Variants in NELL1 observed in about 807,000 individuals in gnomAD.
NELL1 encodes the protein protein kinase C-binding protein NELL1.
A neutral mutation model predicts 107.4 loss-of-function variants in NELL1; 76 were observed. That is an observed-to-expected ratio of 0.71 (90% confidence interval 0.59 to 0.86). NELL1 has a LOEUF of 0.86. NELL1 is among the 40% of genes least tolerant of loss of function. The pLI is 0.00. For synonymous variants in NELL1, 353 were observed against 341.2 expected (o/e 1.03, Z -0.38); for missense variants, 1,024 against 1,005.5 (o/e 1.02, Z -0.25).
chr11:21,433,977 C>T lies in NELL1; in HGVS notation c.1645+63029C>T. The stretch of plus-strand genomic sequence containing the variant: ...GTTGTGAGCCACCACGCCCAGCAGG[C>T]CATTTGTATGTCTTATTTTGAAACA... On this transcript the variant is annotated intron_variant, in intron 15 of 19. Transcript: ENST00000357134. 1.3e-5 allele frequency among the ~76,000 whole-genome samples: 2 copies of T among 152,068 alleles called. 1 individual carries two copies. Among genetic ancestry groups the T allele is most frequent in the East Asian group, 3.9e-4 (2 of 5,190 alleles).
chr11:20,689,865 A>T (rs1237306823), intron 2 of NELL1, among the ~76,000 whole-genome samples: 11 of 151,374 alleles, frequency 7.3e-5, no homozygotes, highest in South Asian at 6.3e-4. Flanking sequence ...CGCCACACTG[A>T]CTTCCACAAT....
chr11:20,979,973 T>G (rs938325468), intron 12 of NELL1, among the ~76,000 whole-genome samples: 8 of 152,184 alleles, frequency 5.3e-5, no homozygotes, highest in Admixed American at 1.3e-4. Context: ...GGATGAGATC[T>G]TATTCACTGT....
At chr11:21,569,176 A>T (rs1857042872) in intron 17 of NELL1, among the ~76,000 whole-genome samples, 1 of 151,352 alleles carries the variant, frequency 6.6e-6, no homozygotes, top group South Asian at 2.1e-4. Flanking sequence ...GTAGTATGTC[A>T]GTGACCAAAA....
At chr11:21,110,224 T>C (rs1855074103) in intron 12 of NELL1, among the ~76,000 whole-genome samples, 1 of 152,128 alleles carries the variant, frequency 6.6e-6, no homozygotes, top group Non-Finnish European at 1.5e-5. Context: ...AGGAAATTAT[T>C]AGATATGCAA....
At chr11:21,306,546 A>G (rs1849608936) in intron 14 of NELL1, among the ~76,000 whole-genome samples, 1 of 151,968 alleles carries the variant, frequency 6.6e-6, no homozygotes, top group Non-Finnish European at 1.5e-5. Flanking sequence ...CGATGTTTTT[A>G]TTTTCTTTCT....
At chr11:21,227,990 A>G (rs745940409) in intron 13 of NELL1, among the ~76,000 whole-genome samples, 8 of 152,228 alleles carry the variant, frequency 5.3e-5, no homozygotes, top group Non-Finnish European at 8.8e-5. Flanking sequence ...CATTGGTTGA[A>G]TAATTCACTT....
At chr11:20,885,421 A>G in intron 4 of NELL1, 23 bp from the exon 5 acceptor site, 1 of 1,462,918 alleles carries the variant, frequency 6.8e-7, no homozygotes, top group East Asian at 2.3e-5. Flanking sequence ...CTCTATTAGT[A>G]ACTGTGTTCT....
chr11:21,503,866 T>A (rs778320674), intron 15 of NELL1, among the ~76,000 whole-genome samples: 9 of 152,010 alleles, frequency 5.9e-5, no homozygotes, highest in African/African-American at 9.7e-5. Flanking sequence ...TTTTTTTTTT[T>A]AAATACAGTA....
chr11:21,083,370 T>C (rs542249176), intron 12 of NELL1, among the ~76,000 whole-genome samples: 2 of 152,272 alleles, frequency 1.3e-5, no homozygotes, highest in South Asian at 4.1e-4. Flanking sequence ...ACTGCTAAAT[T>C]TCCTTTTATA....
chr11:20,755,558 T>TTTTTTTTTA (rs1267991719), intron 2 of NELL1, among the ~76,000 whole-genome samples: 1 of 16,432 alleles, frequency 6.1e-5, no homozygotes, highest in African/African-American at 1.1e-4. Context: ...TTGTTTTTGT[T>TTTTTTTTTA]TTTGTTTTTT....
At chr11:21,005,537 A>G (rs1019264745) in intron 12 of NELL1, among the ~76,000 whole-genome samples, 11 of 152,132 alleles carry the variant, frequency 7.2e-5, no homozygotes, top group Non-Finnish European at 1.5e-4. Context: ...GCATTTTGCT[A>G]CCTTCTGGCT....
At chr11:21,455,341 G>A (rs1853700942) in intron 15 of NELL1, among the ~76,000 whole-genome samples, 1 of 108,790 alleles carries the variant, frequency 9.2e-6, no homozygotes, top group African/African-American at 3.5e-5. Flanking sequence ...TTTTTTTAAT[G>A]AGAGAGAGAG....
intron 14 of NELL1, among the ~76,000 whole-genome samples, chr11:21,285,661 C>G (rs1274931230): frequency 6.6e-6 from 1 of 152,134 alleles, no homozygotes; most frequent in Non-Finnish European, 1.5e-5. Context: ...GGTCAAAACC[C>G]CAGTTAACAG....
chr11:20,803,948 G>A (rs1342921862), intron 3 of NELL1, among the ~76,000 whole-genome samples: 2 of 152,216 alleles, frequency 1.3e-5, no homozygotes, highest in East Asian at 1.9e-4. Flanking sequence ...TCCTGCCCTC[G>A]AACATCGGAC....
intron 12 of NELL1, among the ~76,000 whole-genome samples, chr11:21,076,980 A>G (rs1027459567): frequency 4.6e-5 from 7 of 152,090 alleles, no homozygotes; most frequent in African/African-American, 1.7e-4. Context: ...GAGCCAAATA[A>G]ACCTCTTTTC....
intron 2 of NELL1, among the ~76,000 whole-genome samples, chr11:20,748,403 A>C (rs1380865055): frequency 6.6e-6 from 1 of 152,178 alleles, no homozygotes; most frequent in Non-Finnish European, 1.5e-5. Flanking sequence ...AGTATCTATA[A>C]AATTTATTTA....
chr11:21,223,380 C>G (rs902303644), intron 13 of NELL1, among the ~76,000 whole-genome samples: 36 of 151,972 alleles, frequency 2.4e-4, no homozygotes, highest in African/African-American at 8.7e-4. Flanking sequence ...ATAAACATAG[C>G]TACTTCTGCT....
chr11:21,230,926 G>A (rs185050086), intron 14 of NELL1, among the ~76,000 whole-genome samples: 83 of 152,242 alleles, frequency 5.5e-4, no homozygotes, highest in African/African-American at 2.0e-3. Context: ...GGTTCATGAA[G>A]AGGGGGAAAT....
chr11:21,101,381 A>G (rs1189433879), intron 12 of NELL1, among the ~76,000 whole-genome samples: 1 of 152,194 alleles, frequency 6.6e-6, no homozygotes, highest in African/African-American at 2.4e-5. Context: ...GTCAAATGGT[A>G]TTTCTAATTC....
Sources: gnomAD v4.1 joint callset for allele counts (sites outside exome capture counted in the v4.1 genomes callset) on GRCh38, gnomAD v4.1.1 for gene constraint, MANE v1.5 for transcripts, NCBI Gene and HGNC (gene_info 2026-07-23, HGNC 2026-07-21) for gene names.